The following MALRD1 variants were observed in gnomAD, a reference collection of about 807,000 sequenced individuals.
MALRD1 encodes the protein MAM and LDL-receptor class A domain-containing protein 1.
A neutral mutation model predicts 242.1 loss-of-function variants in MALRD1; 247 were observed. The ratio of observed to expected loss-of-function variants is 1.02; its 90% CI spans 0.92 to 1.13. The LOEUF is 1.13. Among genes scored for constraint, MALRD1 ranks in the 50% most tolerant of loss-of-function variants. The pLI is 0.00. For synonymous variants in MALRD1, 995 were observed against 866.6 expected, an observed-to-expected ratio of 1.15 and a Z score of -2.60; for missense variants, 2,989 against 2,533.1, an observed-to-expected ratio of 1.18 and a Z score of -3.86.
At chr10:19,234,632 T>TA (rs11370975) in intron 18 of MALRD1, among the ~76,000 whole-genome samples, 100,520 of 150,922 alleles carry the variant, frequency 0.67, 33,684 homozygotes, top group East Asian at 0.85. Context: ...AGCTTATCTT[T>TA]AAAAAAAAAG....
At chr10:19,251,507 A>T (rs547683203) in intron 18 of MALRD1, among the ~76,000 whole-genome samples, 1 of 151,934 alleles carries the variant, frequency 6.6e-6, no homozygotes, top group Non-Finnish European at 1.5e-5. Context: ...CCCTGTGGAA[A>T]TGGAAGGTAC....
chr10:19,531,149 G>T, intron 31 of MALRD1, 45 bp from the exon 32 acceptor site: 2 of 1,471,682 alleles, frequency 1.4e-6, no homozygotes, highest in Non-Finnish European at 1.8e-6. Flanking sequence ...CGACTCATGC[G>T]ATATTATCAT....
At chr10:19,562,572 T>C (rs866104003) in intron 32 of MALRD1, among the ~76,000 whole-genome samples, 1 of 152,164 alleles carries the variant, frequency 6.6e-6, no homozygotes, top group Non-Finnish European at 1.5e-5. Flanking sequence ...TCTGTTCTAG[T>C]ACATTGTGGT....
chr10:19,517,848 C>G (rs1190429698), intron 31 of MALRD1, among the ~76,000 whole-genome samples: 6 of 152,246 alleles, frequency 3.9e-5, no homozygotes, highest in Admixed American at 1.3e-4. Flanking sequence ...TGCTTGGTCA[C>G]TTGGTGCTTC....
chr10:19,670,759 A>C (rs1841878529), intron 36 of MALRD1, among the ~76,000 whole-genome samples: 1 of 152,174 alleles, frequency 6.6e-6, no homozygotes, highest in Non-Finnish European at 1.5e-5. Context: ...TAAAATGTAA[A>C]CTTCGTGAAG....
chr10:19,700,467 C>T (rs2481934), intron 38 of MALRD1, among the ~76,000 whole-genome samples: 145,890 of 152,272 alleles, frequency 0.96, 69,934 homozygotes, highest in African/African-American at 0.99. Context: ...CCAAGATAGA[C>T]GAACTGGACC....
At chr10:19,364,504 A>C (rs1249590362) in intron 26 of MALRD1, among the ~76,000 whole-genome samples, 1 of 152,156 alleles carries the variant, frequency 6.6e-6, no homozygotes, top group Non-Finnish European at 1.5e-5. Context: ...CTGAAATATA[A>C]GGCAAGTTTG....
chr10:19,229,184 G>C (rs1052037733), intron 18 of MALRD1, among the ~76,000 whole-genome samples: 1 of 152,112 alleles, frequency 6.6e-6, no homozygotes, highest in Non-Finnish European at 1.5e-5. Context: ...GGCATGAATC[G>C]AGCATCTTTA....
intron 34 of MALRD1, among the ~76,000 whole-genome samples, chr10:19,606,524 A>G (rs1838635062): frequency 2.0e-5 from 3 of 152,136 alleles, no homozygotes. Flanking sequence ...ACAAGTATAG[A>G]TCAATACCAT....
intron 28 of MALRD1, among the ~76,000 whole-genome samples, chr10:19,407,692 A>C (rs2130873761): frequency 6.6e-6 from 1 of 152,292 alleles, no homozygotes; most frequent in Middle Eastern, 3.4e-3. Context: ...TTAAAAAGCT[A>C]ATACCAAGGA....
intron 18 of MALRD1, among the ~76,000 whole-genome samples, chr10:19,214,941 A>T (rs1303810655): frequency 6.6e-6 from 1 of 152,206 alleles, no homozygotes; most frequent in Non-Finnish European, 1.5e-5. Flanking sequence ...TGGCTAACTT[A>T]TTCAAAACAC....
At chr10:19,727,462 T>C (rs950511677) in intron 38 of MALRD1, among the ~76,000 whole-genome samples, 2 of 152,198 alleles carry the variant, frequency 1.3e-5, no homozygotes, top group African/African-American at 4.8e-5. Flanking sequence ...AGTTCTGCAT[T>C]GATCTAGGTC....
chr10:19,541,492 T>A (rs60082164), intron 32 of MALRD1, among the ~76,000 whole-genome samples: 15,364 of 152,206 alleles, frequency 0.1, 2,347 homozygotes, highest in African/African-American at 0.33. Context: ...TTGAAATCAT[T>A]TGTACAATAT....
intron 34 of MALRD1, chr10:19,598,607 T>A (rs577397827): frequency 6.6e-6 from 1 of 152,226 alleles, no homozygotes; most frequent in Admixed American, 6.6e-5. Flanking sequence ...TTTAGATGTG[T>A]TGTATTTATG....
rs191919962 is a variant in MALRD1, at chr10:19,066,843, C to T, written c.324C>T (p.His108=). 3,735 of 1,233,546 alleles carry T rather than the reference C, an allele frequency of 3.0e-3. 9 individuals carry two copies. The highest frequency in any genetic ancestry group is 3.7e-3 in the Non-Finnish European group (3,607 of 987,932). 76.4% of individuals were successfully genotyped at this position (1,233,546 alleles called of 1,614,324 possible). ...GTCTATCACCTCCATTTTATGATCA[C>T]AATGGTGATGTGTCTGGTAAATGCT... ...MIGLSPPFYD[H]NGDVSAHFLS... The change falls in exon 2 of 40, where the codon CAC becomes CAT. Residue 108 remains histidine, a synonymous_variant. Coordinates refer to ENST00000454679, the MANE Select transcript of MALRD1 (RefSeq NM_001142308.3).
chr10:19,349,604 T>C (rs1478263705), intron 25 of MALRD1, among the ~76,000 whole-genome samples: 1 of 152,214 alleles, frequency 6.6e-6, no homozygotes, highest in African/African-American at 2.4e-5. Flanking sequence ...GTATAGTTTT[T>C]ATCTGTTTTT....
At chr10:19,143,426 T>C (rs1833617872) in intron 10 of MALRD1, among the ~76,000 whole-genome samples, 1 of 152,184 alleles carries the variant, frequency 6.6e-6, no homozygotes. Flanking sequence ...TCAGCAGATA[T>C]CTGAATGAAG....
chr10:19,538,770 T>C (rs546139098), intron 32 of MALRD1, among the ~76,000 whole-genome samples: 3 of 152,028 alleles, frequency 2.0e-5, no homozygotes, highest in Non-Finnish European at 4.4e-5. Flanking sequence ...TTGTAATTTA[T>C]ATAAATTTCT....
intron 1 of MALRD1, among the ~76,000 whole-genome samples, chr10:19,053,330 A>G (rs555593758): frequency 8.5e-5 from 13 of 152,172 alleles, no homozygotes; most frequent in Non-Finnish European, 1.5e-4. Flanking sequence ...CATCCTTGCA[A>G]TCCATTGGGG....
Sources: gnomAD v4.1 joint callset for allele counts (sites outside exome capture counted in the v4.1 genomes callset) on GRCh38, gnomAD v4.1.1 for gene constraint, MANE v1.5 for transcripts, NCBI Gene and HGNC (gene_info 2026-07-23, HGNC 2026-07-21) for gene names.